The following CD2AP variants were observed in gnomAD, a reference collection of about 807,000 sequenced individuals.
CD2AP encodes the protein CD2-associated protein.
In CD2AP, 46 loss-of-function variants were observed where a neutral mutation model predicts 85.1. The observed-to-expected ratio is 0.54, with a 90% confidence interval of 0.43 to 0.69. CD2AP has a LOEUF of 0.69. CD2AP is among the 30% of genes least tolerant of loss of function. CD2AP has a pLI of 0.00. For missense variants in CD2AP, 769 were observed against 729.5 expected (o/e 1.05, Z -0.62); for synonymous variants, 255 against 252.9 (o/e 1.01, Z -0.08).
intron 2 of CD2AP, among the ~76,000 whole-genome samples, chr6:47,527,629 AAGAT>A (rs1328903739): frequency 6.6e-6 from 1 of 152,198 alleles, no homozygotes; most frequent in Non-Finnish European, 1.5e-5. Flanking sequence ...GTAGAAGAAA[AAGAT>A]AGCATCTGGT....
intron 10 of CD2AP, among the ~76,000 whole-genome samples, 170 bp downstream of exon 10, chr6:47,581,070 T>A (rs971143014): frequency 6.6e-6 from 1 of 152,198 alleles, no homozygotes; most frequent in African/African-American, 2.4e-5. Context: ...CTGTCATTTT[T>A]CTTAAAGTAC....
At chr6:47,478,385 C>T in intron 1 of CD2AP, 137 bp downstream of exon 1, 2 of 1,010,758 alleles carry the variant, frequency 2.0e-6, no homozygotes, top group East Asian at 2.6e-5. Flanking sequence ...ATTCTCCCCA[C>T]CGCCCCTTCT....
At chr6:47,523,238 T>G (rs1766641392) in intron 2 of CD2AP, among the ~76,000 whole-genome samples, 1 of 152,086 alleles carries the variant, frequency 6.6e-6, no homozygotes, top group Non-Finnish European at 1.5e-5. Context: ...CTTTCATTAA[T>G]TGGAGACAGA....
chr6:47,527,408 A>G (rs1370521767), intron 2 of CD2AP, among the ~76,000 whole-genome samples: 2 of 152,252 alleles, frequency 1.3e-5, no homozygotes, highest in African/African-American at 4.8e-5. Flanking sequence ...ATAGGAGCAA[A>G]GAGGCATTAC....
intron 6 of CD2AP, among the ~76,000 whole-genome samples, chr6:47,576,119 G>C (rs1192109712): frequency 6.6e-6 from 1 of 152,142 alleles, no homozygotes; most frequent in African/African-American, 2.4e-5. Context: ...ATGTCATCCA[G>C]GCTGGAATGC....
intron 2 of CD2AP, among the ~76,000 whole-genome samples, chr6:47,506,502 C>A (rs1459707866): frequency 1.7e-5 from 1 of 58,174 alleles, no homozygotes; most frequent in Non-Finnish European, 3.9e-5. Context: ...TGCACTCCAG[C>A]CTGGGCACCA....
rs575643051 is a variant in CD2AP at position 47,601,501 on chromosome 6, A to G, written c.1417+2058A>G. Among the ~76,000 whole-genome samples the G allele has an allele frequency of 2.6e-5, 4 of 152,060 alleles. No homozygotes were observed. The East Asian group carries it at 7.7e-4, about 29-fold the overall frequency. On this transcript the variant is annotated intron_variant, in intron 13 of 17. Coordinates refer to ENST00000359314, the MANE Select transcript of CD2AP (RefSeq NM_012120.3). ...GTTCATGTTAACTGTCAGATTATTC[A>G]CTGAGCAGGTTTTATATCCTCAGTC... is the stretch of plus-strand genomic sequence containing the variant.
Position 47,625,031 on chromosome 6 carries a change from A to C in CD2AP, c.*804A>C, listed in dbSNP as rs1413275705. 2 of 151,948 alleles carry C rather than the reference A, an allele frequency of 1.3e-5. No homozygotes were observed. Among genetic ancestry groups the C allele is most frequent in the East Asian group, 3.8e-4 (2 of 5,202 alleles). 9.4% of individuals were successfully genotyped at this position (151,948 alleles called of 1,614,324 possible). On this transcript the variant is annotated 3_prime_UTR_variant, in exon 18 of 18. Coordinates refer to ENST00000359314, the MANE Select transcript of CD2AP (RefSeq NM_012120.3). ...AATTTGTTAGGTCTGAAGAATCTAA[A>C]ACTGTTAATTTAACCCTTAACTTGT...
chr6:47,544,640 G>A lies in CD2AP; in HGVS notation c.354G>A (p.Glu118=). 1 of 1,612,414 alleles carries A rather than the reference G, an allele frequency of 6.2e-7. No individual in the cohort carries two copies. Among genetic ancestry groups the A allele is most frequent in the South Asian group, 1.1e-5 (1 of 91,036 alleles). The change falls in exon 4 of 18, where the codon GAG becomes GAA. Residue 118 remains glutamate, a synonymous_variant. Transcript: ENST00000359314. ...AGCGTCAGTGTAAAGTTCTTTTTGA[G>A]TACATTCCACAAAATGAGGATGAAC... ...TKKRQCKVLF[E]YIPQNEDELE... is the part of the protein sequence containing the mutation.
chr6:47,572,272 C>T (rs1382777158), intron 5 of CD2AP, among the ~76,000 whole-genome samples: 1 of 152,192 alleles, frequency 6.6e-6, no homozygotes, highest in Non-Finnish European at 1.5e-5. Context: ...GCGCCCGGAT[C>T]CACTGCGATG....
intron 2 of CD2AP, among the ~76,000 whole-genome samples, chr6:47,508,142 C>A (rs1487605688): frequency 6.6e-6 from 1 of 152,202 alleles, no homozygotes; most frequent in African/African-American, 2.4e-5. Flanking sequence ...GTGAGCCTGT[C>A]CTTTGAAGCC....
At chr6:47,510,380 A>T (rs1314520679) in intron 2 of CD2AP, among the ~76,000 whole-genome samples, 4 of 152,190 alleles carry the variant, frequency 2.6e-5, no homozygotes, top group Non-Finnish European at 4.4e-5. Flanking sequence ...CCATTCTCTA[A>T]TAAAAGGAAG....
intron 11 of CD2AP, among the ~76,000 whole-genome samples, chr6:47,593,306 A>G (rs555717277): frequency 1.3e-5 from 2 of 152,304 alleles, no homozygotes; most frequent in South Asian, 2.1e-4. Flanking sequence ...TAAAAAGACA[A>G]CTTACAAAAT....
intron 17 of CD2AP, among the ~76,000 whole-genome samples, chr6:47,618,782 G>A (rs557588363): frequency 2.6e-5 from 4 of 152,216 alleles, no homozygotes; most frequent in African/African-American, 4.8e-5. Flanking sequence ...GGATAATTCA[G>A]TATGATTTTA....
intron 1 of CD2AP, among the ~76,000 whole-genome samples, chr6:47,481,314 A>T (rs976847853): frequency 4.6e-5 from 7 of 152,158 alleles, no homozygotes; most frequent in African/African-American, 1.7e-4. Context: ...TCTCGTATAT[A>T]AAACATATCA....
intron 2 of CD2AP, among the ~76,000 whole-genome samples, chr6:47,517,389 G>A (rs1185453131): frequency 3.3e-5 from 5 of 151,838 alleles, no homozygotes; most frequent in Non-Finnish European, 7.4e-5. Context: ...CTGGGCTCAA[G>A]CGATCCTCTC....
chr6:47,577,856 G>A (rs1195413931), intron 8 of CD2AP, among the ~76,000 whole-genome samples: 4 of 152,004 alleles, frequency 2.6e-5, no homozygotes, highest in Non-Finnish European at 4.4e-5. Flanking sequence ...GAGATTACAG[G>A]TGTGAGCTAC....
Position 47,588,851 on chromosome 6 carries a change from A to G in CD2AP, c.1108+6786A>G, listed in dbSNP as rs970671205. Among the ~76,000 whole-genome samples the G allele has an allele frequency of 2.6e-5, 4 of 152,090 alleles. 1 individual carries two copies. Among genetic ancestry groups the G allele is most frequent in the Non-Finnish European group, 5.9e-5 (4 of 67,978 alleles). On this transcript the variant is annotated intron_variant, in intron 11 of 17. Transcript: ENST00000359314. Reference sequence around the variant, plus strand: ...AGGAAAACCTCTCCCCAACCATAGAATGTAAGTCCTTTCAGTTTCTTGGAC... The same window carrying G: ...AGGAAAACCTCTCCCCAACCATAGAGTGTAAGTCCTTTCAGTTTCTTGGAC...
intron 17 of CD2AP, among the ~76,000 whole-genome samples, chr6:47,617,526 T>C (rs903195988): frequency 1.3e-5 from 2 of 152,190 alleles, no homozygotes; most frequent in African/African-American, 4.8e-5. Context: ...TCCTGTTCTT[T>C]TGATTTCCTG....
Sources: allele counts gnomAD v4.1 joint callset (sites outside exome capture counted in the v4.1 genomes callset), GRCh38; gene constraint gnomAD v4.1.1; transcripts MANE v1.5; gene names NCBI Gene and HGNC (gene_info 2026-07-23, HGNC 2026-07-21).